The following ZMYM2 variants were observed in gnomAD, a reference collection of about 807,000 sequenced individuals.
ZMYM2 encodes the protein zinc finger MYM-type protein 2.
Under a neutral mutation model 162.8 loss-of-function variants are expected in ZMYM2, and 56 were observed. That is an observed-to-expected ratio of 0.34 (90% CI 0.28 to 0.43). ZMYM2 has a LOEUF of 0.43. ZMYM2 is among the 20% of genes least tolerant of loss of function. The probability of loss-of-function intolerance (pLI) is 1.00; values close to 1 mark genes in which losing one functional copy is unlikely to be tolerated. For missense variants in ZMYM2, 1,275 were observed against 1,621.8 expected, an observed-to-expected ratio of 0.79 and a Z score of 3.67; for synonymous variants, 510 against 541.6, an observed-to-expected ratio of 0.94 and a Z score of 0.81.
At chr13:19,914,190 G>A in the ZMYM2 span, among the ~76,000 whole-genome samples, 1 of 152,220 alleles carries the variant, frequency 6.6e-6, no homozygotes, top group African/African-American at 2.4e-5. Context: ...CATGTGAATA[G>A]ATCTCTGAAT....
chr13:19,902,027 G>A, the ZMYM2 span, among the ~76,000 whole-genome samples: 3 of 152,144 alleles, frequency 2.0e-5, no homozygotes, highest in South Asian at 6.2e-4. Context: ...TGCCTCAAGC[G>A]ATCTTCCTGC....
chr13:19,880,094 A>G, the ZMYM2 span, among the ~76,000 whole-genome samples: 1 of 152,158 alleles, frequency 6.6e-6, no homozygotes, highest in Non-Finnish European at 1.5e-5. Flanking sequence ...TCCAGTTCAC[A>G]GGACTTCCTA....
chr13:19,936,542 C>T, the ZMYM2 span, among the ~76,000 whole-genome samples: 3 of 151,594 alleles, frequency 2.0e-5, no homozygotes, highest in Admixed American at 6.6e-5. Context: ...GACAACATGG[C>T]GAAACCCTGT....
At chr13:19,977,988 T>C (rs912459379) in intron 2 of ZMYM2, among the ~76,000 whole-genome samples, 2 of 151,324 alleles carry the variant, frequency 1.3e-5, no homozygotes, top group African/African-American at 4.9e-5. Context: ...GCCATTATCC[T>C]GCCTCAGCCT....
chr13:20,035,326 C>T (rs544155229), intron 11 of ZMYM2, among the ~76,000 whole-genome samples: 4 of 152,198 alleles, frequency 2.6e-5, no homozygotes, highest in Non-Finnish European at 4.4e-5. Flanking sequence ...AAGTCATGTC[C>T]GTAAGAGGGT....
At chr13:20,013,253 A>G (rs1178233825) in intron 6 of ZMYM2, among the ~76,000 whole-genome samples, 1 of 151,948 alleles carries the variant, frequency 6.6e-6, no homozygotes, top group Non-Finnish European at 1.5e-5. Context: ...TTTCCTTTTC[A>G]GATTGTACAT....
rs561698563 is a variant in ZMYM2 at position 20,086,336 on chromosome 13, C to G, written c.*322C>G. The G allele has an allele frequency of 4.0e-6, 1 of 248,934 alleles. No individual in the cohort carries two copies. The highest frequency in any genetic ancestry group is 2.2e-5 in the African/African-American group (1 of 45,460). The allele number at this position is 248,934 out of a possible 1,614,324, so 15.4% of individuals were successfully genotyped here. ...TTTTTTTCTTGTAGTAAGAAACATCCATATTGCACAACTCTACTGTTGCAA... is the reference window on the plus strand; with the variant it reads ...TTTTTTTCTTGTAGTAAGAAACATCGATATTGCACAACTCTACTGTTGCAA... On this transcript the variant is annotated 3_prime_UTR_variant, in exon 25 of 25. Transcript: ENST00000610343.
the ZMYM2 span, among the ~76,000 whole-genome samples, chr13:19,899,836 A>AAAAAAAAAAG: frequency 2.6e-4 from 32 of 120,836 alleles, no homozygotes; most frequent in African/African-American, 4.2e-4. Flanking sequence ...AAAAAAAAAA[A>AAAAAAAAAAG]AAGGAAAACA....
intron 3 of ZMYM2, 59 bp downstream of exon 3, chr13:19,993,978 T>G: frequency 1.3e-6 from 2 of 1,539,830 alleles, no homozygotes; most frequent in Non-Finnish European, 1.7e-6. Context: ...GGCTGCTGCT[T>G]TTTTCATTGT....
the ZMYM2 span, among the ~76,000 whole-genome samples, chr13:19,951,283 G>A: frequency 6.6e-6 from 1 of 152,216 alleles, no homozygotes; most frequent in Non-Finnish European, 1.5e-5. Flanking sequence ...ACAGAGTGAA[G>A]AGACAACCTA....
chr13:19,993,878 A>G lies in ZMYM2; in HGVS notation c.806A>G (p.Asp269Gly). 1 of 1,613,828 alleles carries G rather than the reference A, an allele frequency of 6.2e-7. No homozygotes were observed. Among genetic ancestry groups the G allele is most frequent in the South Asian group, 1.1e-5 (1 of 91,004 alleles). ...CCTGGTAGAATGAATGTGGCAGGAG[A>G]CGTTTTTCAGAATGGAGAATCTGCA... The part of the protein sequence containing the change: ...FNPGRMNVAG[D>G]VFQNGESATH... Residue 269 changes from aspartate (D) to glycine (G), a missense_variant, in exon 3 of 25, where the codon GAC becomes GGC. By Grantham distance (94) the Asp-to-Gly change is moderately conservative (BLOSUM62 -1). Around this residue, in one of 10 missense-constraint regions of ZMYM2, gnomAD observed 115 missense variants for 175.3 expected, o/e 0.66. Transcript: ENST00000610343.
At chr13:20,041,582 C>T (rs1313810055) in intron 12 of ZMYM2, among the ~76,000 whole-genome samples, 1 of 152,132 alleles carries the variant, frequency 6.6e-6, no homozygotes, top group Admixed American at 6.6e-5. Flanking sequence ...GGGTTTGATC[C>T]TGTCATCATG....
the ZMYM2 span, among the ~76,000 whole-genome samples, chr13:19,947,690 T>G: frequency 0.027 from 2,007 of 75,018 alleles, 25 homozygotes; most frequent in African/African-American, 0.036. Flanking sequence ...GCTAGGCTAG[T>G]CTCGAATTGT....
intron 2 of ZMYM2, chr13:19,965,300 A>G (rs897849635): frequency 4.7e-6 from 6 of 1,286,686 alleles, no homozygotes; most frequent in African/African-American, 4.6e-5. Context: ...TGACAACTAA[A>G]TTTTTGGGTT....
chr13:20,023,391 A>G (rs1952289350), intron 7 of ZMYM2, among the ~76,000 whole-genome samples: 1 of 152,226 alleles, frequency 6.6e-6, no homozygotes, highest in South Asian at 2.1e-4. Context: ...TGATTGGTCC[A>G]AATGTACCAA....
At chr13:19,896,641 C>G in the ZMYM2 span, among the ~76,000 whole-genome samples, 1 of 150,108 alleles carries the variant, frequency 6.7e-6, no homozygotes, top group Non-Finnish European at 1.5e-5. Flanking sequence ...CCTGTAGTCC[C>G]AGCTACTCAG....
chr13:20,036,386 C>T (rs1414966337), intron 11 of ZMYM2, among the ~76,000 whole-genome samples: 4 of 151,936 alleles, frequency 2.6e-5, no homozygotes, highest in African/African-American at 9.7e-5. Flanking sequence ...TACATTGTTC[C>T]TTTTTCTAAA....
the ZMYM2 span, among the ~76,000 whole-genome samples, chr13:19,903,918 T>G: frequency 6.6e-6 from 1 of 151,728 alleles, no homozygotes; most frequent in East Asian, 1.9e-4. Context: ...TTTTTGGGGG[T>G]GGTGTTGAAC....
At chr13:19,984,262 A>G (rs926917850) in intron 2 of ZMYM2, among the ~76,000 whole-genome samples, 19 of 152,330 alleles carry the variant, frequency 1.2e-4, no homozygotes, top group African/African-American at 4.6e-4. Flanking sequence ...TCATGACAAC[A>G]TCAACTGTTG....
Sources: allele counts gnomAD v4.1 joint callset (sites outside exome capture counted in the v4.1 genomes callset), GRCh38; gene constraint gnomAD v4.1.1; regional missense constraint gnomAD v4.1.1; transcripts MANE v1.5; gene names NCBI Gene and HGNC (gene_info 2026-07-23, HGNC 2026-07-21).